DIAPH2: variants seen among roughly 807,000 people sequenced by gnomAD.
The protein encoded by DIAPH2 is diaphanous related formin 2, also known as protein diaphanous homolog 2.
In DIAPH2, 35 loss-of-function variants were observed where a neutral mutation model predicts 92.7. The observed-to-expected ratio is 0.38, with a 90% CI of 0.29 to 0.50. The LOEUF (loss-of-function observed/expected upper bound fraction) is 0.50, where lower values mean the gene tolerates loss of function less well. DIAPH2 is among the 20% of genes least tolerant of loss of function. DIAPH2 has a pLI of 0.94. For synonymous variants in DIAPH2, 301 were observed against 280.4 expected, an observed-to-expected ratio of 1.07 and a Z score of -0.73; for missense variants, 701 against 819.5, an observed-to-expected ratio of 0.86 and a Z score of 1.77.
intron 26 of DIAPH2, among the ~76,000 whole-genome samples, chrX:97,486,037 T>G (rs1354245095): frequency 9.3e-6 from 1 of 107,500 alleles, no homozygotes; most frequent in Non-Finnish European, 1.9e-5. Flanking sequence ...AAAAAAGAAA[T>G]AATGCTATTA....
At chrX:97,449,708 G>A in intron 26 of DIAPH2, 1 of 739,896 alleles carries the variant, frequency 1.4e-6, no homozygotes, top group Non-Finnish European at 1.6e-6. Context: ...AGCAAGGAGT[G>A]AGAGCTGCAG....
chrX:96,830,229 C>T (rs1363685057), intron 4 of DIAPH2, among the ~76,000 whole-genome samples: 2 of 111,252 alleles, frequency 1.8e-5, no homozygotes, highest in Non-Finnish European at 3.8e-5. Flanking sequence ...ATTTGCAACA[C>T]ATATGGCAAA....
intron 17 of DIAPH2, among the ~76,000 whole-genome samples, chrX:97,031,055 T>C (rs2066370372): frequency 8.9e-6 from 1 of 111,803 alleles, no homozygotes; most frequent in South Asian, 3.8e-4. Context: ...AGCTCATTAG[T>C]TGTTACTTCT....
intron 25 of DIAPH2, among the ~76,000 whole-genome samples, chrX:97,385,951 C>T (rs2069595595): frequency 8.9e-6 from 1 of 111,958 alleles, no homozygotes; most frequent in Non-Finnish European, 1.9e-5. Context: ...TGAACCCAGG[C>T]AGTGTGTAAC....
chrX:97,267,245 TAAG>T (rs1308532415), intron 23 of DIAPH2, among the ~76,000 whole-genome samples: 1 of 110,916 alleles, frequency 9.0e-6, no homozygotes, highest in Admixed American at 9.6e-5. Flanking sequence ...TTATCAATAA[TAAG>T]AAAGCTGTGT....
chrX:97,385,535 T>C (rs1196219576), intron 25 of DIAPH2, among the ~76,000 whole-genome samples: 2 of 111,344 alleles, frequency 1.8e-5, no homozygotes, highest in Non-Finnish European at 3.8e-5. Flanking sequence ...CCGGCACTTT[T>C]ACATATTTTA....
chrX:97,348,266 C>T lies in DIAPH2; in HGVS notation c.2995C>T (p.Arg999Ter). 2 of 1,201,883 alleles carry T rather than the reference C, an allele frequency of 1.7e-6. No individual in the cohort carries two copies. The highest frequency in any genetic ancestry group is 2.2e-6 in the Non-Finnish European group (2 of 891,942). Residue 999 changes from arginine (R) to a stop codon, truncating the protein, a stop_gained, in exon 24 of 27, where the codon CGA (arginine) becomes TGA (stop). Coordinates refer to ENST00000324765, the MANE Select transcript of DIAPH2 (RefSeq NM_006729.5). LOFTEE classifies it high-confidence loss of function. ...EEFFGDLNNF[R>*]TLFLEAVREN... is the part of the protein sequence containing the mutation. Reference sequence around the variant, plus strand: ...GTTCTTTGGTGATCTCAACAACTTCCGAACTTTGTTTTTGGTAAGTAATAC... The same window carrying T: ...GTTCTTTGGTGATCTCAACAACTTCTGAACTTTGTTTTTGGTAAGTAATAC...
chrX:97,146,007 CTTTTTTTTTT>C (rs372292277), intron 22 of DIAPH2, among the ~76,000 whole-genome samples: 3 of 43,171 alleles, frequency 6.9e-5, no homozygotes, highest in African/African-American at 2.4e-4. Flanking sequence ...TTTCTTCTTC[CTTTTTTTTTT>C]TTTTTTTTTT....
At chrX:97,215,351 T>A (rs752235501) in intron 22 of DIAPH2, among the ~76,000 whole-genome samples, 3 of 111,780 alleles carry the variant, frequency 2.7e-5, no homozygotes, top group African/African-American at 9.7e-5. Context: ...AGAATTCAAC[T>A]GTTATTAACA....
chrX:97,235,467 G>C (rs1452153674), intron 22 of DIAPH2, among the ~76,000 whole-genome samples: 1 of 109,617 alleles, frequency 9.1e-6, no homozygotes, highest in African/African-American at 3.3e-5. Flanking sequence ...AGCCAGGCGT[G>C]GTGGCACATG....
intron 25 of DIAPH2, among the ~76,000 whole-genome samples, chrX:97,414,172 A>T (rs1185034606): frequency 5.4e-5 from 6 of 112,083 alleles, no homozygotes; most frequent in Non-Finnish European, 7.5e-5. Flanking sequence ...GGCTACAGTA[A>T]CCAAAACAGC....
At chrX:97,458,320 T>C (rs1008376249) in intron 26 of DIAPH2, among the ~76,000 whole-genome samples, 9 of 103,712 alleles carry the variant, frequency 8.7e-5, no homozygotes, top group African/African-American at 3.1e-4. Context: ...TTTTTTTTTT[T>C]CTCAAAATCT....
chrX:97,281,986 GTC>G (rs1358742736), intron 23 of DIAPH2, among the ~76,000 whole-genome samples: 1 of 110,143 alleles, frequency 9.1e-6, no homozygotes, highest in African/African-American at 3.3e-5. Context: ...GAAGAGGAGA[GTC>G]TCTTGCTTAA....
At chrX:97,552,498 A>G (rs1400973070) in intron 26 of DIAPH2, among the ~76,000 whole-genome samples, 1 of 111,312 alleles carries the variant, frequency 9.0e-6, no homozygotes, top group Non-Finnish European at 1.9e-5. Flanking sequence ...CAACACCTCA[A>G]AATTCAACAT....
intron 17 of DIAPH2, among the ~76,000 whole-genome samples, chrX:97,052,915 A>T (rs1027028104): frequency 9.0e-6 from 1 of 110,689 alleles, no homozygotes; most frequent in Non-Finnish European, 1.9e-5. Context: ...TCTTTTTTTT[A>T]AAGACTCTTG....
At chrX:97,499,488 T>C (rs2070780583) in intron 26 of DIAPH2, among the ~76,000 whole-genome samples, 1 of 111,992 alleles carries the variant, frequency 8.9e-6, no homozygotes, top group African/African-American at 3.3e-5. Flanking sequence ...AGATTTGGGC[T>C]TCTAGTGTAC....
At chrX:97,130,017 C>A (rs146228756) in intron 21 of DIAPH2, among the ~76,000 whole-genome samples, 3,436 of 111,581 alleles carry the variant, frequency 0.031, 55 homozygotes, top group Middle Eastern at 0.051. Context: ...TACTTAACAC[C>A]ACTAATCATT....
At chrX:97,426,433 C>T (rs986079748) in intron 25 of DIAPH2, among the ~76,000 whole-genome samples, 2 of 110,312 alleles carry the variant, frequency 1.8e-5, no homozygotes, top group Non-Finnish European at 3.8e-5. Context: ...GGATTACAGG[C>T]GCCTGCCATC....
chrX:97,557,969 T>C (rs1163835783), intron 26 of DIAPH2, among the ~76,000 whole-genome samples: 3 of 112,743 alleles, frequency 2.7e-5, no homozygotes, highest in African/African-American at 9.7e-5. Context: ...CTATTTATTA[T>C]CTATGGGGAA....
Sources: allele counts gnomAD v4.1 joint callset (sites outside exome capture counted in the v4.1 genomes callset), GRCh38; gene constraint gnomAD v4.1.1; transcripts MANE v1.5; gene names NCBI Gene and HGNC (gene_info 2026-07-23, HGNC 2026-07-21).